Variants in OSBPL10 observed in about 807,000 individuals in gnomAD.
The protein encoded by OSBPL10 is oxysterol binding protein like 10.
A neutral mutation model predicts 81.7 loss-of-function variants in OSBPL10; 49 were observed. That is an observed-to-expected ratio of 0.60 (90% CI 0.48 to 0.76). The LOEUF (loss-of-function observed/expected upper bound fraction) is 0.76, where lower values mean the gene tolerates loss of function less well. Ranked by LOEUF, OSBPL10 falls within the 30% of genes least tolerant of loss-of-function variation. The pLI is 0.00. For missense variants in OSBPL10, 923 were observed against 987.8 expected, an observed-to-expected ratio of 0.93 and a Z score of 0.88; for synonymous variants, 419 against 383.6, an observed-to-expected ratio of 1.09 and a Z score of -1.08.
intron 1 of OSBPL10, among the ~76,000 whole-genome samples, chr3:32,055,527 C>T (rs561654082): frequency 1.4e-4 from 22 of 152,238 alleles, no homozygotes; most frequent in South Asian, 1.2e-3. Flanking sequence ...CTCCTATAAA[C>T]AAAACTTGGA....
intron 2 of OSBPL10, among the ~76,000 whole-genome samples, chr3:32,003,075 C>A (rs547823655): frequency 6.6e-6 from 1 of 152,322 alleles, no homozygotes; most frequent in African/African-American, 2.4e-5. Context: ...AGTGTTACAG[C>A]ACAGTGAGGA....
At chr3:31,731,097 G>A (rs183447234) in intron 6 of OSBPL10, among the ~76,000 whole-genome samples, 34 of 151,914 alleles carry the variant, frequency 2.2e-4, no homozygotes, top group African/African-American at 7.3e-4. Context: ...TGTGGATGTC[G>A]CTAGTTTTTT....
At chr3:31,731,076 A>G (rs191271389) in intron 6 of OSBPL10, among the ~76,000 whole-genome samples, 3 of 152,316 alleles carry the variant, frequency 2.0e-5, no homozygotes, top group East Asian at 3.9e-4. Context: ...TTTCTGACAG[A>G]AAAACTATTG....
chr3:32,053,740 G>A (rs1699686515), intron 1 of OSBPL10, among the ~76,000 whole-genome samples: 1 of 152,180 alleles, frequency 6.6e-6, no homozygotes, highest in South Asian at 2.1e-4. Context: ...TTGTGAGGCT[G>A]AGGCAGGTGG....
At chr3:32,004,744 C>T in intron 2 of OSBPL10, among the ~76,000 whole-genome samples, 1 of 152,212 alleles carries the variant, frequency 6.6e-6, no homozygotes, top group Non-Finnish European at 1.5e-5. Flanking sequence ...TGCAGAGCGA[C>T]AGACACATGC....
At chr3:31,829,903 G>T in intron 4 of OSBPL10, 137 bp downstream of exon 4, 1 of 836,406 alleles carries the variant, frequency 1.2e-6, no homozygotes, top group Non-Finnish European at 1.8e-6. Context: ...GACCGTCACA[G>T]CCGTGTGGCT....
At chr3:31,679,527 G>C (rs555049064) in intron 8 of OSBPL10, among the ~76,000 whole-genome samples, 1 of 152,288 alleles carries the variant, frequency 6.6e-6, no homozygotes, top group Admixed American at 6.5e-5. Context: ...CCGATAAGGA[G>C]GTAAACATGA....
chr3:31,762,686 G>A (rs1698086503), intron 4 of OSBPL10, among the ~76,000 whole-genome samples: 1 of 124,146 alleles, frequency 8.1e-6, no homozygotes, highest in African/African-American at 3.2e-5. Flanking sequence ...CCAGGCTGGT[G>A]TCAAGCTCCT....
intron 1 of OSBPL10, among the ~76,000 whole-genome samples, chr3:32,076,199 C>T (rs1326421646): frequency 6.6e-6 from 1 of 152,110 alleles, no homozygotes; most frequent in Admixed American, 6.5e-5. Flanking sequence ...GAAACCCCGT[C>T]TCTACTAAAA....
chr3:31,744,802 G>A (rs999764217), intron 5 of OSBPL10, among the ~76,000 whole-genome samples: 4 of 149,648 alleles, frequency 2.7e-5, no homozygotes, highest in Admixed American at 6.7e-5. Flanking sequence ...AAAAAACAAC[G>A]AATTTTCTAG....
chr3:31,804,827 A>G (rs1375528328), intron 4 of OSBPL10, among the ~76,000 whole-genome samples: 5 of 152,218 alleles, frequency 3.3e-5, no homozygotes, highest in Non-Finnish European at 7.3e-5. Context: ...GACTTCATTC[A>G]CTTTCCCAAC....
At chr3:31,968,841 A>G (rs1698477734) in intron 1 of OSBPL10, among the ~76,000 whole-genome samples, 1 of 152,220 alleles carries the variant, frequency 6.6e-6, no homozygotes, top group Non-Finnish European at 1.5e-5. Context: ...CTTCTCATAA[A>G]AAGAAAAAGG....
At chr3:31,955,007 T>C (rs531531905) in intron 1 of OSBPL10, among the ~76,000 whole-genome samples, 1 of 152,314 alleles carries the variant, frequency 6.6e-6, no homozygotes, top group Non-Finnish European at 1.5e-5. Context: ...TTTCTGTATA[T>C]TTGAAATTTT....
At chr3:31,742,928 C>G (rs1697398301) in intron 5 of OSBPL10, among the ~76,000 whole-genome samples, 1 of 151,860 alleles carries the variant, frequency 6.6e-6, no homozygotes, top group Admixed American at 6.6e-5. Flanking sequence ...AGTCCCCAGT[C>G]CAGCAACTGT....
chr3:31,797,457 C>T (rs964672281), intron 4 of OSBPL10, among the ~76,000 whole-genome samples: 44 of 152,326 alleles, frequency 2.9e-4, no homozygotes, highest in African/African-American at 9.4e-4. Flanking sequence ...TTCCAATGAT[C>T]ATCATCCTAG....
intron 3 of OSBPL10, among the ~76,000 whole-genome samples, chr3:31,845,071 G>A (rs1700595875): frequency 6.6e-6 from 1 of 152,192 alleles, no homozygotes. Flanking sequence ...GACAGAGCAA[G>A]ACCCTGTCTC....
At chr3:32,062,396 C>T (rs1699756963) in intron 1 of OSBPL10, among the ~76,000 whole-genome samples, 1 of 94,434 alleles carries the variant, frequency 1.1e-5, no homozygotes, top group African/African-American at 2.7e-5. Flanking sequence ...TGAGCCACCA[C>T]TCCTGGTTTG....
rs936077479 is a variant in OSBPL10 at position 31,799,454 on chromosome 3, G to A, written c.729+30586C>T. Among the ~76,000 whole-genome samples the A allele has an allele frequency of 2.7e-5, 4 of 150,108 alleles. No homozygotes were observed. The East Asian group carries it at 5.9e-4, about 22-fold the overall frequency. ...TATCAGCTTAGAAGTCAATCAGCTG[G>A]TTTGAATATCAGCTCCACATTATCT... On this transcript the variant is annotated intron_variant, in intron 4 of 11. Transcript: ENST00000396556.
intron 4 of OSBPL10, among the ~76,000 whole-genome samples, chr3:31,792,601 G>A (rs1575547345): frequency 6.6e-6 from 1 of 152,062 alleles, no homozygotes; most frequent in African/African-American, 2.4e-5. Flanking sequence ...TGGTGTATGA[G>A]GGTGTGTGCT....
Sources: gnomAD v4.1 joint callset for allele counts (sites outside exome capture counted in the v4.1 genomes callset) on GRCh38, gnomAD v4.1.1 for gene constraint, MANE v1.5 for transcripts, NCBI Gene and HGNC (gene_info 2026-07-23, HGNC 2026-07-21) for gene names.